Variants in CCM2 observed in about 807,000 individuals in gnomAD.
The protein encoded by CCM2 is CCM2 scaffold protein.
Under a neutral mutation model 44.9 loss-of-function variants are expected in CCM2, and 25 were observed. That is an observed-to-expected ratio of 0.56 (90% CI 0.41 to 0.78). The LOEUF (loss-of-function observed/expected upper bound fraction) is 0.78, where lower values mean the gene tolerates loss of function less well. Among genes scored for constraint, CCM2 ranks in the 30% least tolerant of loss-of-function variants. The pLI, the probability that CCM2 is intolerant of heterozygous loss-of-function variation, is 0.00. For missense variants in CCM2, 481 were observed against 580.6 expected (o/e 0.83, Z 1.76); for synonymous variants, 219 against 241.1 (o/e 0.91, Z 0.85).
chr7:45,020,484 T>TC (rs541551117), intron 1 of CCM2, among the ~76,000 whole-genome samples: 126 of 152,318 alleles, frequency 8.3e-4, no homozygotes, highest in African/African-American at 3.0e-3. Context: ...ACAGCAGCCC[T>TC]CCTATGGACT....
At chr7:45,068,345 CCT>C (rs1195376895) in intron 4 of CCM2, 96 bp from the exon 5 acceptor site, 4 of 1,511,228 alleles carry the variant, frequency 2.6e-6, no homozygotes, top group Non-Finnish European at 3.7e-6. Context: ...AGGTAAAGGT[CCT>C]CTCAGCCTGT....
chr7:45,050,161 A>G (rs556601907), intron 2 of CCM2, among the ~76,000 whole-genome samples: 8 of 152,334 alleles, frequency 5.3e-5, no homozygotes, highest in Non-Finnish European at 1.2e-4. Flanking sequence ...AATACTTACT[A>G]TTGTGTTACA....
At chr7:45,048,539 C>T (rs922038355) in intron 2 of CCM2, among the ~76,000 whole-genome samples, 3 of 152,224 alleles carry the variant, frequency 2.0e-5, no homozygotes, top group African/African-American at 4.8e-5. Context: ...CCGAGGCAGG[C>T]GGATCACGAG....
intron 1 of CCM2, among the ~76,000 whole-genome samples, chr7:45,033,345 T>C (rs971064636): frequency 3.9e-5 from 6 of 152,078 alleles, no homozygotes; most frequent in Admixed American, 1.3e-4. Context: ...ACAGTGTAGG[T>C]TGCATGTGGT....
At chr7:45,015,095 C>T (rs1014080924) in intron 1 of CCM2, among the ~76,000 whole-genome samples, 2 of 152,164 alleles carry the variant, frequency 1.3e-5, no homozygotes, top group African/African-American at 2.4e-5. Flanking sequence ...ACCAGACAGT[C>T]GTCCAAGGAG....
At chr7:45,056,667 G>A (rs1048531239) in intron 2 of CCM2, among the ~76,000 whole-genome samples, 1 of 152,108 alleles carries the variant, frequency 6.6e-6, no homozygotes, top group African/African-American at 2.4e-5. Flanking sequence ...TTTTTAATTG[G>A]GTTGTTTGGT....
rs1057524745 is a variant in CCM2, at chr7:45,075,968, T to C, written c.1246T>C (p.Ser416Pro). 2 of 1,613,008 alleles carry C rather than the reference T, an allele frequency of 1.2e-6. No individual in the cohort carries two copies. ...CAGCTCTGATGACCGGTCGGCACCC[T>C]CAGAGGGGGATGAGTGGGACCGCAT... ...TGSSDDRSAP[S>P]EGDEWDRMIS... Residue 416 changes from serine to proline, a missense_variant, in exon 10 of 10, where the codon TCA becomes CCA. Transcript: ENST00000258781.
chr7:45,039,322 A>G (rs1362880265), intron 2 of CCM2, among the ~76,000 whole-genome samples: 1 of 152,216 alleles, frequency 6.6e-6, no homozygotes, highest in Non-Finnish European at 1.5e-5. Context: ...TTTTCTTTCA[A>G]GCTTCTAGAA....
intron 2 of CCM2, among the ~76,000 whole-genome samples, chr7:45,042,161 G>A (rs970808232): frequency 7.3e-5 from 11 of 150,894 alleles, no homozygotes; most frequent in Non-Finnish European, 1.5e-4. Flanking sequence ...GTAATCTCAG[G>A]AGGCTGAGGC....
In CCM2 at chr7:45,075,640, T is replaced by C. The variant is rs1360586403; in HGVS notation, c.1055-137T>C. On this transcript the variant is annotated intron_variant, in intron 9 of 9. Transcript: ENST00000258781. Reference sequence around the variant, plus strand: ...ATTTCAACCAGGATGCTAGATGCAGTGAGCATGGCATCAGGGTCCCCAAGG... The same window carrying C: ...ATTTCAACCAGGATGCTAGATGCAGCGAGCATGGCATCAGGGTCCCCAAGG... 2.9e-6 allele frequency: 3 copies of C among 1,037,120 alleles called. No individual in the cohort carries two copies. In the African/African-American group the frequency reaches 4.7e-5, roughly 16 times the overall value. 64.2% of individuals were successfully genotyped at this position (1,037,120 alleles called of 1,614,324 possible).
intron 9 of CCM2, 58 bp downstream of exon 9, chr7:45,074,466 C>G: frequency 6.9e-7 from 1 of 1,449,270 alleles, no homozygotes; most frequent in Non-Finnish European, 9.6e-7. Flanking sequence ...GAGGCTGATC[C>G]CTCCTGGGAA....
intron 2 of CCM2, among the ~76,000 whole-genome samples, chr7:45,056,005 T>A (rs1428019649): frequency 1.3e-5 from 2 of 152,238 alleles, no homozygotes; most frequent in Non-Finnish European, 2.9e-5. Flanking sequence ...TCGTAGCATG[T>A]GTCAGCATTT....
intron 2 of CCM2, among the ~76,000 whole-genome samples, chr7:45,055,273 T>G (rs2128742670): frequency 6.6e-6 from 1 of 152,384 alleles, no homozygotes; most frequent in South Asian, 2.1e-4. Flanking sequence ...AGTCAGTATT[T>G]TTTATTACCC....
intron 6 of CCM2, chr7:45,070,808 A>G (rs1799033119): frequency 5.8e-6 from 1 of 171,282 alleles, no homozygotes; most frequent in Non-Finnish European, 1.3e-5. Flanking sequence ...AGAAAAAAAA[A>G]AAGGCTGTTG....
chr7:45,066,750 C>T (rs942535839), intron 4 of CCM2, among the ~76,000 whole-genome samples: 7 of 152,100 alleles, frequency 4.6e-5, no homozygotes, highest in Non-Finnish European at 7.4e-5. Flanking sequence ...GCACACAACT[C>T]GCTGCCCGCA....
chr7:45,000,401 C>T (rs1795545603), intron 1 of CCM2, 38 bp downstream of exon 1: 3 of 1,012,110 alleles, frequency 3.0e-6, no homozygotes, highest in East Asian at 4.3e-5. Context: ...CTGTGGTCGG[C>T]GGGCGGCTGG....
intron 1 of CCM2, among the ~76,000 whole-genome samples, chr7:45,013,311 T>C (rs551202763): frequency 5.3e-4 from 77 of 145,458 alleles, no homozygotes; most frequent in African/African-American, 2.0e-3. Context: ...TTACATTAGA[T>C]TTTTTTTTTG....
At chr7:45,072,851 G>C (rs2128752026) in intron 7 of CCM2, 68 bp downstream of exon 7, 2 of 1,313,306 alleles carry the variant, frequency 1.5e-6, no homozygotes, top group Non-Finnish European at 1.1e-6. Context: ...TGTTGTCCAG[G>C]CTGCAGCCAG....
At chr7:45,074,589 G>T (rs1283806767) in intron 9 of CCM2, among the ~76,000 whole-genome samples, 181 bp downstream of exon 9, 1 of 152,172 alleles carries the variant, frequency 6.6e-6, no homozygotes, top group East Asian at 1.9e-4. Flanking sequence ...GCTGTGATTA[G>T]TCAGAAGGGC....
Sources: allele counts gnomAD v4.1 joint callset (sites outside exome capture counted in the v4.1 genomes callset), GRCh38; gene constraint gnomAD v4.1.1; transcripts MANE v1.5; gene names NCBI Gene and HGNC (gene_info 2026-07-23, HGNC 2026-07-21).